NOVA1: variants seen among roughly 807,000 people sequenced by gnomAD.
The protein encoded by NOVA1 is RNA-binding protein Nova-1.
Under a neutral mutation model 38.0 loss-of-function variants are expected in NOVA1, and 7 were observed. The ratio of observed to expected loss-of-function variants is 0.18; its 90% confidence interval spans 0.10 to 0.35. NOVA1 has a LOEUF of 0.35. NOVA1 is among the 10% of genes least tolerant of loss of function. The probability of loss-of-function intolerance (pLI) is 1.00; values close to 1 mark genes in which losing one functional copy is unlikely to be tolerated. For synonymous variants in NOVA1, 270 were observed against 232.5 expected, an observed-to-expected ratio of 1.16 and a Z score of -1.47; for missense variants, 460 against 616.0, an observed-to-expected ratio of 0.75 and a Z score of 2.68.
intron 2 of NOVA1, among the ~76,000 whole-genome samples, chr14:26,581,132 A>T (rs1011521368): frequency 6.6e-6 from 1 of 152,094 alleles, no homozygotes; most frequent in African/African-American, 2.4e-5. Flanking sequence ...TAGTACACCT[A>T]GTAAGTGGCA....
At chr14:26,454,339 A>G (rs990547287) in intron 4 of NOVA1, among the ~76,000 whole-genome samples, 19 of 152,158 alleles carry the variant, frequency 1.2e-4, no homozygotes, top group African/African-American at 4.3e-4. Flanking sequence ...GTTTGAGCAC[A>G]TGACGCAGGA....
At chr14:26,549,994 G>A (rs1169683833) in intron 2 of NOVA1, among the ~76,000 whole-genome samples, 1 of 152,192 alleles carries the variant, frequency 6.6e-6, no homozygotes, top group East Asian at 1.9e-4. Flanking sequence ...CAGATGGGCT[G>A]TCATTCATTT....
intron 2 of NOVA1, among the ~76,000 whole-genome samples, chr14:26,505,741 T>A (rs1334056351): frequency 6.6e-6 from 1 of 152,220 alleles, no homozygotes; most frequent in Non-Finnish European, 1.5e-5. Flanking sequence ...TTATTTTTGC[T>A]AAGCTGCATT....
chr14:26,542,705 A>G (rs73601943), intron 2 of NOVA1, among the ~76,000 whole-genome samples: 7,392 of 147,014 alleles, frequency 0.05, 544 homozygotes, highest in African/African-American at 0.16. Context: ...TGAAGAATTT[A>G]AAAAGGAAAC....
chr14:26,472,389 T>C lies in NOVA1; in HGVS notation c.450A>G (p.Thr150=). Residue 150 remains threonine (T), a splice_region_variant and synonymous_variant, in exon 4 of 5, where the codon ACA becomes ACG. Transcript: ENST00000539517. The part of the protein sequence containing the change: ...TTVNPDRIKQ[T]LPSSPTTTKS... ...TGGTGGTAGTTGGGGAAGATGGCAA[T>C]GTCTGGGAAACAAAGCAGTTCAGGA... is the stretch of plus-strand genomic sequence containing the variant. The C allele has an allele frequency of 6.6e-7, 1 of 1,523,316 alleles. No homozygotes were observed. The highest frequency in any genetic ancestry group is 8.9e-7 in the Non-Finnish European group (1 of 1,127,526). The allele number at this position is 1,523,316 out of a possible 1,614,324, so 94.4% of individuals were successfully genotyped here.
chr14:26,509,640 A>G (rs934691546), intron 2 of NOVA1, among the ~76,000 whole-genome samples: 1 of 152,120 alleles, frequency 6.6e-6, no homozygotes, highest in African/African-American at 2.4e-5. Context: ...GATGGAGGAG[A>G]CATTGTTTTA....
chr14:26,561,700 T>C (rs958870111), intron 2 of NOVA1, among the ~76,000 whole-genome samples: 3 of 152,192 alleles, frequency 2.0e-5, no homozygotes, highest in African/African-American at 7.2e-5. Flanking sequence ...AAATTTATAT[T>C]TTAAATTTCA....
intron 2 of NOVA1, among the ~76,000 whole-genome samples, chr14:26,525,723 G>T (rs1198596418): frequency 1.3e-5 from 2 of 152,020 alleles, no homozygotes; most frequent in African/African-American, 4.8e-5. Flanking sequence ...CTCTTCAGGG[G>T]TCATTATAGT....
chr14:26,539,753 A>G (rs567872693), intron 2 of NOVA1, among the ~76,000 whole-genome samples: 1 of 152,198 alleles, frequency 6.6e-6, no homozygotes, highest in South Asian at 2.1e-4. Flanking sequence ...TAAACATTTC[A>G]AAAGCAAGGA....
chr14:26,475,285 C>A (rs1219698170), intron 3 of NOVA1, among the ~76,000 whole-genome samples: 8 of 152,214 alleles, frequency 5.3e-5, no homozygotes, highest in African/African-American at 1.9e-4. Flanking sequence ...TCTGTCTTGG[C>A]CTCCTAAAAG....
intron 2 of NOVA1, among the ~76,000 whole-genome samples, chr14:26,506,613 T>C (rs1887654513): frequency 1.3e-5 from 2 of 152,144 alleles, no homozygotes; most frequent in African/African-American, 2.4e-5. Flanking sequence ...AGTTTAACTC[T>C]TTGTTACCCA....
At chr14:26,484,306 G>A (rs574054405) in intron 2 of NOVA1, among the ~76,000 whole-genome samples, 1 of 151,432 alleles carries the variant, frequency 6.6e-6, no homozygotes, top group Non-Finnish European at 1.5e-5. Context: ...CATGGTGGCG[G>A]GCACCTGTAG....
intron 2 of NOVA1, among the ~76,000 whole-genome samples, chr14:26,501,849 T>G (rs988699328): frequency 6.6e-6 from 1 of 151,976 alleles, no homozygotes; most frequent in Non-Finnish European, 1.5e-5. Context: ...CCATTTACTA[T>G]GAATCAAAGT....
In NOVA1 at chr14:26,448,002, T is replaced by A. The variant is rs1566424816; in HGVS notation, c.1481A>T (p.Tyr494Phe). 1.2e-6 allele frequency: 2 copies of A among 1,614,196 alleles called. No homozygotes were observed. The highest frequency in any genetic ancestry group is 1.7e-5 in the Admixed American group (1 of 60,024). The part of the protein sequence containing the change: ...AQYLITQRIT[Y>F]EQGVRAANPQ... ...ATTGGCAGCCCGAACTCCTTGCTCATATGTGATCCTTTGTGTAATTAAATA... is the reference window on the plus strand; with the variant it reads ...ATTGGCAGCCCGAACTCCTTGCTCAAATGTGATCCTTTGTGTAATTAAATA... The change falls in exon 5 of 5, where the codon TAT (tyrosine) becomes TTT (phenylalanine). Residue 494 changes from tyrosine (Y) to phenylalanine (F), a missense_variant. Tyr to Phe is a conservative substitution (Grantham distance 22). Transcript: ENST00000539517. This position sits in a 1 kb window ranked among gnomAD's most constrained non-coding sequence, Gnocchi z 5.3.
intron 2 of NOVA1, among the ~76,000 whole-genome samples, chr14:26,558,768 A>T (rs1280255820): frequency 6.6e-6 from 1 of 152,132 alleles, no homozygotes; most frequent in Non-Finnish European, 1.5e-5. Context: ...CATTTCAGAA[A>T]GCCAGATAAT....
chr14:26,536,047 G>C (rs1890068025), intron 2 of NOVA1, among the ~76,000 whole-genome samples: 1 of 151,934 alleles, frequency 6.6e-6, no homozygotes, highest in Admixed American at 6.6e-5. Flanking sequence ...ATGAGGTCCA[G>C]TCATTTGCAG....
At chr14:26,480,183 T>C (rs760863408) in intron 2 of NOVA1, 40 bp from the exon 3 acceptor site, 1 of 1,540,784 alleles carries the variant, frequency 6.5e-7, no homozygotes, top group Non-Finnish European at 8.8e-7. Context: ...TATTCCACAC[T>C]TTGCATTAAA....
intron 2 of NOVA1, among the ~76,000 whole-genome samples, chr14:26,486,448 G>A (rs547800742): frequency 2.0e-4 from 30 of 151,784 alleles, no homozygotes; most frequent in Non-Finnish European, 3.5e-4. Context: ...GGTGGCTCAC[G>A]CTTGTAATCC....
chr14:26,596,857 G>A (rs4983176), intron 1 of NOVA1: 1,107,113 of 1,121,624 alleles, frequency 0.99, 547,742 homozygotes, highest in East Asian at 1. Context: ...CGGCGCCCCA[G>A]TCATTCGCAA....
Sources: gnomAD v4.1 joint callset for allele counts (sites outside exome capture counted in the v4.1 genomes callset) on GRCh38, gnomAD v4.1.1 for gene constraint, Gnocchi (gnomAD v3.1) non-coding constraint, MANE v1.5 for transcripts, NCBI Gene and HGNC (gene_info 2026-07-23, HGNC 2026-07-21) for gene names.